ZBTB38: variants seen among roughly 807,000 people sequenced by gnomAD.
The protein encoded by ZBTB38 is zinc finger and BTB domain containing 38.
In ZBTB38, 20 loss-of-function variants were observed where a neutral mutation model predicts 76.8. The ratio of observed to expected loss-of-function variants is 0.26; its 90% CI spans 0.18 to 0.38. ZBTB38 has a LOEUF of 0.38. ZBTB38 is among the 10% of genes least tolerant of loss of function. ZBTB38 has a pLI of 1.00. For missense variants in ZBTB38, 1,082 were observed against 1,482.3 expected (o/e 0.73, Z 4.43); for synonymous variants, 504 against 544.2 (o/e 0.93, Z 1.03).
chr3:141,424,464 G>A (rs960948037), intron 5 of ZBTB38, among the ~76,000 whole-genome samples: 1 of 152,162 alleles, frequency 6.6e-6, no homozygotes, highest in Non-Finnish European at 1.5e-5. Flanking sequence ...AGGCCACAGT[G>A]AGCAATGATC....
At chr3:141,349,377 T>A (rs919447807) in intron 1 of ZBTB38, among the ~76,000 whole-genome samples, 1 of 152,062 alleles carries the variant, frequency 6.6e-6, no homozygotes, top group Admixed American at 6.5e-5. Flanking sequence ...AAGCACAGAG[T>A]GCTGTTTGAG....
intron 5 of ZBTB38, among the ~76,000 whole-genome samples, chr3:141,409,441 G>C (rs1323538280): frequency 6.6e-6 from 1 of 152,216 alleles, no homozygotes; most frequent in Non-Finnish European, 1.5e-5. Flanking sequence ...CATAGTGAGA[G>C]TATGAAACAG....
At chr3:141,330,756 C>T (rs1942823657) in intron 1 of ZBTB38, among the ~76,000 whole-genome samples, 2 of 152,132 alleles carry the variant, frequency 1.3e-5, no homozygotes, top group African/African-American at 4.8e-5. Context: ...TGGATTAATC[C>T]ATTCATGGAT....
chr3:141,368,484 C>T (rs1000007375), upstream of ZBTB38: 2 of 152,180 alleles, frequency 1.3e-5, no homozygotes, highest in Non-Finnish European at 2.9e-5. Flanking sequence ...CCACTGGCCT[C>T]CCTCTGAAGC....
At chr3:141,330,685 C>A (rs55805291) in intron 1 of ZBTB38, among the ~76,000 whole-genome samples, 6,444 of 152,296 alleles carry the variant, frequency 0.042, 173 homozygotes, top group African/African-American at 0.057. Context: ...CCCAATGGGG[C>A]AGTATTGAGA....
intron 2 of ZBTB38, among the ~76,000 whole-genome samples, chr3:141,379,615 G>A (rs369746572): frequency 1.2e-4 from 18 of 152,312 alleles, no homozygotes; most frequent in African/African-American, 3.1e-4. Flanking sequence ...CTGACTTTCC[G>A]TAGTCGTTGG....
intron 4 of ZBTB38, chr3:141,392,776 G>A (rs1308765661): frequency 6.6e-6 from 1 of 152,244 alleles, no homozygotes; most frequent in African/African-American, 2.4e-5. Context: ...TTGAATTTGT[G>A]ATGTAGGCAA....
At chr3:141,348,180 T>C (rs962928898) in intron 1 of ZBTB38, among the ~76,000 whole-genome samples, 1 of 152,252 alleles carries the variant, frequency 6.6e-6, no homozygotes, top group Admixed American at 6.5e-5. Context: ...TTCCACCATC[T>C]TGAGCTTCAA....
At chr3:141,433,191 A>G (rs1221377270) in intron 5 of ZBTB38, among the ~76,000 whole-genome samples, 1 of 152,122 alleles carries the variant, frequency 6.6e-6, no homozygotes, top group African/African-American at 2.4e-5. Context: ...GTTTCATCAC[A>G]TTTTTATTCA....
At chr3:141,399,462 T>G (rs1057241163) in intron 4 of ZBTB38, among the ~76,000 whole-genome samples, 14 of 152,126 alleles carry the variant, frequency 9.2e-5, no homozygotes, top group African/African-American at 3.4e-4. Context: ...ACACAACAAG[T>G]AGCCTTTCAA....
chr3:141,444,974 A>G lies in ZBTB38; in HGVS notation c.2586A>G (p.Arg862=). ...HILGSKLFYK[R]GRRPKYQMQE... Reference sequence around the variant, plus strand: ...TAGGATCTAAATTGTTTTATAAAAGAGGGAGAAGACCCAAGTATCAGATGC... The same window carrying G: ...TAGGATCTAAATTGTTTTATAAAAGGGGGAGAAGACCCAAGTATCAGATGC... Residue 862 remains arginine (R), a synonymous_variant, in exon 6 of 6, where the codon AGA becomes AGG. Coordinates refer to ENST00000321464, the MANE Select transcript of ZBTB38 (RefSeq NM_001376113.1). The surrounding 1 kb of genome is among the most constrained non-coding windows in gnomAD (Gnocchi z 5.1). The G allele has an allele frequency of 1.2e-6, 2 of 1,614,210 alleles. No individual in the cohort carries two copies. The highest frequency in any genetic ancestry group is 3.3e-5 in the Admixed American group (2 of 60,026).
At chr3:141,372,275 G>C (rs1944725920) in intron 2 of ZBTB38, among the ~76,000 whole-genome samples, 2 of 152,190 alleles carry the variant, frequency 1.3e-5, no homozygotes, top group Non-Finnish European at 2.9e-5. Context: ...GCCTCTGAAA[G>C]TCTGTCTTTC....
chr3:141,402,766 A>G (rs932043254), intron 4 of ZBTB38: 1 of 152,070 alleles, frequency 6.6e-6, no homozygotes, highest in African/African-American at 2.4e-5. Flanking sequence ...CGGCTGTGCT[A>G]GAGGGCGGGG....
intron 4 of ZBTB38, among the ~76,000 whole-genome samples, chr3:141,399,260 C>T (rs952938956): frequency 6.6e-6 from 1 of 152,156 alleles, no homozygotes; most frequent in African/African-American, 2.4e-5. Context: ...GCCACCATCC[C>T]CATTCCCCAC....
chr3:141,326,497 GT>G (rs1942679124), intron 1 of ZBTB38, among the ~76,000 whole-genome samples: 1 of 152,086 alleles, frequency 6.6e-6, no homozygotes, highest in South Asian at 2.1e-4. Context: ...GTGCAATAAT[GT>G]TTTATTAAAT....
intron 2 of ZBTB38, among the ~76,000 whole-genome samples, chr3:141,378,710 T>A (rs1038505232): frequency 1.3e-5 from 2 of 152,232 alleles, no homozygotes; most frequent in African/African-American, 4.8e-5. Context: ...GTCTACAATG[T>A]CCTGCTGGCT....
intron 1 of ZBTB38, among the ~76,000 whole-genome samples, chr3:141,355,988 G>T (rs570430179): frequency 6.6e-6 from 1 of 151,970 alleles, no homozygotes; most frequent in East Asian, 1.9e-4. Context: ...TTGCTGGTAA[G>T]GCCGCAGCAG....
At chr3:141,343,933 G>A (rs1338840577) in intron 1 of ZBTB38, among the ~76,000 whole-genome samples, 1 of 152,094 alleles carries the variant, frequency 6.6e-6, no homozygotes, top group African/African-American at 2.4e-5. Context: ...TCACCCAAGG[G>A]CCTCTAACAG....
At chr3:141,354,187 G>A (rs1380463093) in intron 1 of ZBTB38, among the ~76,000 whole-genome samples, 2 of 152,064 alleles carry the variant, frequency 1.3e-5, no homozygotes, top group African/African-American at 4.8e-5. Flanking sequence ...GTTATTACAA[G>A]GAAATCATTA....
Sources: allele counts gnomAD v4.1 joint callset (sites outside exome capture counted in the v4.1 genomes callset), GRCh38; gene constraint gnomAD v4.1.1; non-coding constraint Gnocchi (gnomAD v3.1); transcripts MANE v1.5; gene names NCBI Gene and HGNC (gene_info 2026-07-23, HGNC 2026-07-21).